CTTNBP2: variants seen among roughly 807,000 people sequenced by gnomAD.
CTTNBP2 encodes cortactin binding protein 2.
CTTNBP2 carries 108 observed loss-of-function variants against 156.9 expected under a neutral mutation model. The observed-to-expected ratio is 0.69, with a 90% CI of 0.59 to 0.81. CTTNBP2 has a LOEUF of 0.81. Ranked by LOEUF, CTTNBP2 falls within the 30% of genes least tolerant of loss-of-function variation. The pLI, the probability that CTTNBP2 is intolerant of heterozygous loss-of-function variation, is 0.00. For missense variants in CTTNBP2, 1,924 were observed against 2,035.4 expected (o/e 0.95, Z 1.05); for synonymous variants, 767 against 751.8 (o/e 1.02, Z -0.33).
intron 1 of CTTNBP2, among the ~76,000 whole-genome samples, chr7:117,865,949 C>T (rs1804162616): frequency 6.8e-6 from 1 of 147,364 alleles, no homozygotes; most frequent in Admixed American, 6.8e-5. Flanking sequence ...AAAAAGTATA[C>T]TTATATAATT....
At position 117,711,437 on chromosome 7, in the gene CTTNBP2, C is replaced by T. The variant is rs907574640; in HGVS notation, c.*100G>A. On this transcript the variant is annotated 3_prime_UTR_variant, in exon 23 of 23. Coordinates refer to ENST00000160373, the MANE Select transcript of CTTNBP2 (RefSeq NM_033427.3). ...GGTCCCGCACTCATAATTTATATTA[C>T]AGTGAAAACATTTTATCAATTTAAA... The T allele has an allele frequency of 3.8e-6, 5 of 1,302,464 alleles. No homozygotes were observed. Among genetic ancestry groups the T allele is most frequent in the African/African-American group, 3.0e-5 (2 of 67,314 alleles). The allele number at this position is 1,302,464 out of a possible 1,614,324, so 80.7% of individuals were successfully genotyped here. A position where few individuals can be genotyped will look rare whatever the true frequency, so the allele number is the denominator to read the frequency against.
Position 117,780,452 on chromosome 7 carries a change from C to T in CTTNBP2, c.2512G>A (p.Val838Ile), listed in dbSNP as rs540998604. ...AGACTGCTACTCACTGTGGTTTTTA[C>T]ACTTCGATTGGTTCCAGCTTCCAAC... ...LLLEAGTNRS[V>I]KTTDGWTPVH... The change falls in exon 7 of 23, where the codon GTA becomes ATA. Residue 838 changes from valine (V) to isoleucine (I), a missense_variant. By Grantham distance (29) the Val-to-Ile change is conservative. Transcript: ENST00000160373. 1.7e-5 allele frequency: 26 copies of T among 1,570,234 alleles called. No homozygotes were observed. Among genetic ancestry groups the T allele is most frequent in the Non-Finnish European group, 2.2e-5 (26 of 1,162,550 alleles).
chr7:117,830,534 T>G, intron 2 of CTTNBP2, among the ~76,000 whole-genome samples: 1 of 152,174 alleles, frequency 6.6e-6, no homozygotes, highest in African/African-American at 2.4e-5. Flanking sequence ...TAGAGTGTCA[T>G]GAACACTCAA....
chr7:117,861,144 T>C, intron 2 of CTTNBP2, 65 bp downstream of exon 2: 2 of 908,504 alleles, frequency 2.2e-6, no homozygotes, highest in South Asian at 3.0e-5. Context: ...AAAGAAGGTT[T>C]GCCAATGGCT....
chr7:117,728,703 C>G (rs1252616549), intron 16 of CTTNBP2, among the ~76,000 whole-genome samples: 1 of 152,164 alleles, frequency 6.6e-6, no homozygotes, highest in Admixed American at 6.5e-5. Flanking sequence ...ATTAAGCTGA[C>G]TAACATATCC....
intron 14 of CTTNBP2, among the ~76,000 whole-genome samples, chr7:117,741,794 C>G (rs1320654784): frequency 1.3e-5 from 2 of 152,248 alleles, no homozygotes; most frequent in Admixed American, 1.3e-4. Context: ...TCTAATCTTA[C>G]TTCTTTCTAC....
At chr7:117,763,617 G>A (rs1171891235) in intron 9 of CTTNBP2, among the ~76,000 whole-genome samples, 1 of 145,292 alleles carries the variant, frequency 6.9e-6, no homozygotes, top group African/African-American at 2.6e-5. Context: ...CTGGAGGGCA[G>A]TGGTGCCACC....
rs575227841 is a variant in CTTNBP2 at position 117,835,738 on chromosome 7, T to C, written c.190-24749A>G. The stretch of plus-strand genomic sequence containing the variant: ...AAGCCAGAGGGTCTGGTCGTGCATC[T>C]GGAAAGAGACTGGAGATTATAAGGA... On this transcript the variant is annotated intron_variant, in intron 2 of 22. Coordinates refer to ENST00000160373, the MANE Select transcript of CTTNBP2 (RefSeq NM_033427.3). Among the ~76,000 whole-genome samples, 13 of 152,314 alleles carry C rather than the reference T, an allele frequency of 8.5e-5. No homozygotes were observed. The South Asian group carries it at 1.7e-3, about 19-fold the overall frequency.
intron 1 of CTTNBP2, chr7:117,872,361 C>T (rs1441884472): frequency 2.6e-5 from 4 of 151,434 alleles, no homozygotes; most frequent in Non-Finnish European, 4.4e-5. Context: ...CCACCCCATC[C>T]TTCGGCGGGA....
intron 18 of CTTNBP2, 116 bp from the exon 19 acceptor site, chr7:117,724,848 G>C (rs1795001301): frequency 7.7e-7 from 1 of 1,290,378 alleles, no homozygotes; most frequent in Non-Finnish European, 1.1e-6. Flanking sequence ...TAGTATCCAA[G>C]CTGGGGTTTT....
At position 117,725,110 on chromosome 7, in the gene CTTNBP2, A is replaced by G. The variant is rs531941016; in HGVS notation, c.4203T>C (p.Ala1401=). ...PSQGQQAVVK[A]ALSILLNKAV... The stretch of plus-strand genomic sequence containing the variant: ...CTTTATTTAGCAAGATGCTGAGAGC[A>G]GCTTTGACCACAGCCTGCTGTCCTT... Residue 1401 remains alanine, a synonymous_variant, in exon 18 of 23, where the codon GCT becomes GCC. Coordinates refer to ENST00000160373, the MANE Select transcript of CTTNBP2 (RefSeq NM_033427.3). The G allele has an allele frequency of 5.0e-6, 8 of 1,613,184 alleles. No individual in the cohort carries two copies. The highest frequency in any genetic ancestry group is 1.7e-5 in the Admixed American group (1 of 60,030).
chr7:117,784,565 A>G, intron 4 of CTTNBP2, 111 bp from the exon 5 acceptor site: 1 of 690,274 alleles, frequency 1.4e-6, no homozygotes, highest in Non-Finnish European at 2.3e-6. Context: ...GTGTCCCTAG[A>G]GGATTATGTG....
At chr7:117,728,301 G>C in intron 16 of CTTNBP2, 34 bp from the exon 17 acceptor site, 1 of 1,505,648 alleles carries the variant, frequency 6.6e-7, no homozygotes. Flanking sequence ...CCAGGGGCTT[G>C]GTTTAGAACA....
At chr7:117,743,323 A>T (rs1796118827) in intron 14 of CTTNBP2, among the ~76,000 whole-genome samples, 1 of 152,128 alleles carries the variant, frequency 6.6e-6, no homozygotes, top group South Asian at 2.1e-4. Flanking sequence ...AAAATGCGGG[A>T]GACTTTTGTT....
chr7:117,830,529 T>C (rs971646073), intron 2 of CTTNBP2, among the ~76,000 whole-genome samples: 3 of 152,104 alleles, frequency 2.0e-5, no homozygotes, highest in Non-Finnish European at 2.9e-5. Context: ...GCTCTTAGAG[T>C]GTCATGAACA....
At chr7:117,751,249 C>T (rs35522360) in intron 12 of CTTNBP2, among the ~76,000 whole-genome samples, 2,483 of 152,272 alleles carry the variant, frequency 0.016, 21 homozygotes, top group South Asian at 0.032. Flanking sequence ...GTTTGCAGAG[C>T]GGTGGCATTT....
At chr7:117,808,835 A>G (rs1800096285) in intron 3 of CTTNBP2, among the ~76,000 whole-genome samples, 1 of 152,206 alleles carries the variant, frequency 6.6e-6, no homozygotes. Flanking sequence ...TTTGTTGTTA[A>G]AGAGATGACT....
rs544660507 is a variant in CTTNBP2, at chr7:117,804,653, A to C, written c.414+6112T>G. On this transcript the variant is annotated intron_variant, in intron 3 of 22. Transcript: ENST00000160373. ...GATGGAGCTGGAAGCTATTATTCTC[A>C]GCAAACTAACATAGGAACAGAAAAC... 2.6e-5 allele frequency among the ~76,000 whole-genome samples: 4 copies of C among 152,326 alleles called. No homozygotes were observed. The East Asian group carries it at 7.7e-4, about 29-fold the overall frequency.
intron 2 of CTTNBP2, among the ~76,000 whole-genome samples, chr7:117,819,208 AG>A (rs1484681857): frequency 1.3e-5 from 2 of 152,232 alleles, no homozygotes; most frequent in Admixed American, 1.3e-4. Context: ...AGCTCTTTTA[AG>A]AAGGAAGGGG....
Sources: allele counts gnomAD v4.1 joint callset (sites outside exome capture counted in the v4.1 genomes callset), GRCh38; gene constraint gnomAD v4.1.1; transcripts MANE v1.5; gene names NCBI Gene and HGNC (gene_info 2026-07-23, HGNC 2026-07-21).